Variants in ADD2 observed in about 807,000 individuals in gnomAD.
ADD2 encodes the protein adducin 2, also known as beta-adducin.
In ADD2, 23 loss-of-function variants were observed where a neutral mutation model predicts 83.0. The ratio of observed to expected loss-of-function variants is 0.28; its 90% CI spans 0.20 to 0.39. The LOEUF (loss-of-function observed/expected upper bound fraction) is 0.39. ADD2 is among the 10% of genes least tolerant of loss of function. The pLI is 1.00. For synonymous variants in ADD2, 375 were observed against 375.4 expected, an observed-to-expected ratio of 1.00 and a Z score of 0.01; for missense variants, 758 against 944.9, an observed-to-expected ratio of 0.80 and a Z score of 2.59.
At chr2:70,743,400 G>A (rs1199816661) in intron 1 of ADD2, among the ~76,000 whole-genome samples, 3 of 152,204 alleles carry the variant, frequency 2.0e-5, no homozygotes, top group South Asian at 2.1e-4. Context: ...ACCTCTGGTC[G>A]AAAGGAAAAG....
chr2:70,699,017 G>A (rs1238574709), intron 4 of ADD2, among the ~76,000 whole-genome samples: 1 of 152,054 alleles, frequency 6.6e-6, no homozygotes, highest in African/African-American at 2.4e-5. Flanking sequence ...AGATATCCTG[G>A]ATGTGTACCA....
intron 15 of ADD2, among the ~76,000 whole-genome samples, chr2:70,665,907 C>T (rs1553366072): frequency 1.3e-5 from 2 of 151,844 alleles, no homozygotes; most frequent in Non-Finnish European, 2.9e-5. Flanking sequence ...TCTCCACCTC[C>T]TAGGTTCAAG....
At chr2:70,690,592 G>T (rs1376895625) in intron 8 of ADD2, among the ~76,000 whole-genome samples, 194 bp downstream of exon 8, 1 of 152,158 alleles carries the variant, frequency 6.6e-6, no homozygotes, top group Non-Finnish European at 1.5e-5. Context: ...CTTATTTTAT[G>T]ATCCTAGTTT....
chr2:70,660,665 A>G lies in ADD2; in HGVS notation c.*2760T>C, dbSNP rs1675509342. The stretch of plus-strand genomic sequence containing the variant: ...GACCCCTCAACCCCTGAGCTTCCAC[A>G]TCATGCTCTGGCAATGCCACGTTGC... On this transcript the variant is annotated 3_prime_UTR_variant, in exon 16 of 16. Transcript: ENST00000264436. The G allele has an allele frequency of 6.6e-6, 1 of 152,236 alleles. No homozygotes were observed. The highest frequency in any genetic ancestry group is 2.4e-5 in the African/African-American group (1 of 41,430). The allele number at this position is 152,236 out of a possible 1,614,324, so 9.4% of individuals were successfully genotyped here.
chr2:70,660,013 C>T lies in ADD2; in HGVS notation c.*3412G>A, dbSNP rs887674442. The stretch of plus-strand genomic sequence containing the variant: ...CCCACCAAATCTGAGCTCTTGAATA[C>T]ACATTTTCTCCAGTCAGATATTGGT... On this transcript the variant is annotated 3_prime_UTR_variant, in exon 16 of 16. Coordinates refer to ENST00000264436, the MANE Select transcript of ADD2 (RefSeq NM_001617.4). 2.0e-5 allele frequency: 3 copies of T among 152,226 alleles called. No individual in the cohort carries two copies. In the South Asian group the frequency reaches 6.2e-4, roughly 32 times the overall value. The allele number at this position is 152,226 out of a possible 1,614,324, so 9.4% of individuals were successfully genotyped here.
At chr2:70,678,027 T>A in intron 11 of ADD2, 150 bp from the exon 12 acceptor site, 1 of 1,065,760 alleles carries the variant, frequency 9.4e-7, no homozygotes, top group South Asian at 1.6e-5. Flanking sequence ...GCCTCTTTGA[T>A]GTCTGTCTCC....
chr2:70,724,199 C>G (rs1485918678), intron 1 of ADD2, among the ~76,000 whole-genome samples: 1 of 152,150 alleles, frequency 6.6e-6, no homozygotes, highest in Non-Finnish European at 1.5e-5. Flanking sequence ...CCTTCTCTGT[C>G]CAGACACTGT....
rs1670130231 is a variant in ADD2 at position 70,676,197 on chromosome 2, C to T, written c.1593+599G>A. 1 of 985,710 alleles carries T rather than the reference C, an allele frequency of 1.0e-6. No homozygotes were observed. Among genetic ancestry groups the T allele is most frequent in the African/African-American group, 1.7e-5 (1 of 57,260 alleles). 61.1% of individuals were successfully genotyped at this position (985,710 alleles called of 1,614,324 possible). ...TTCAAACACATGCCAGAATTCTGAACTTCACCCCTTTTGCTAAGCACTAGA... is the reference window on the plus strand; with the variant it reads ...TTCAAACACATGCCAGAATTCTGAATTTCACCCCTTTTGCTAAGCACTAGA... On this transcript the variant is annotated intron_variant, in intron 13 of 15. Coordinates refer to ENST00000264436, the MANE Select transcript of ADD2 (RefSeq NM_001617.4). This position sits in a 1 kb window ranked among gnomAD's most constrained non-coding sequence, Gnocchi z 4.8.
Position 70,657,137 on chromosome 2 carries a change from G to A in ADD2, c.*6288C>T, listed in dbSNP as rs1217024902. 1.3e-5 allele frequency: 2 copies of A among 152,218 alleles called. No individual in the cohort carries two copies. The highest frequency in any genetic ancestry group is 4.8e-5 in the African/African-American group (2 of 41,522). The allele number at this position is 152,218 out of a possible 1,614,324, so 9.4% of individuals were successfully genotyped here. A position where few individuals can be genotyped will look rare whatever the true frequency, so the allele number is the denominator to read the frequency against. On this transcript the variant is annotated 3_prime_UTR_variant, in exon 16 of 16. Transcript: ENST00000264436. The stretch of plus-strand genomic sequence containing the variant: ...GAGAAAGGCAAAACCATCTGTGGGG[G>A]TGATGCATACTCAAGGGGGCCGGCA...
intron 15 of ADD2, among the ~76,000 whole-genome samples, chr2:70,666,976 G>C (rs533420656): frequency 6.6e-6 from 1 of 152,308 alleles, no homozygotes; most frequent in African/African-American, 2.4e-5. Flanking sequence ...CACTGGCCAA[G>C]AGAAGGGACA....
intron 4 of ADD2, among the ~76,000 whole-genome samples, chr2:70,700,998 C>T (rs1671556019): frequency 6.6e-6 from 1 of 151,886 alleles, no homozygotes; most frequent in South Asian, 2.1e-4. Flanking sequence ...CAGAGATTTC[C>T]TATCTTATTT....
At chr2:70,756,555 C>CA (rs1412928484) in intron 1 of ADD2, among the ~76,000 whole-genome samples, 1 of 152,118 alleles carries the variant, frequency 6.6e-6, no homozygotes, top group African/African-American at 2.4e-5. Flanking sequence ...ACCTTATAGA[C>CA]AAATCATAGA....
chr2:70,686,649 G>A (rs2104295688), intron 9 of ADD2, among the ~76,000 whole-genome samples: 1 of 152,274 alleles, frequency 6.6e-6, no homozygotes, highest in East Asian at 1.9e-4. Flanking sequence ...TTCAGATGTG[G>A]GAAAGGGAGA....
At chr2:70,732,233 T>C (rs782354011) in intron 1 of ADD2, among the ~76,000 whole-genome samples, 1 of 152,126 alleles carries the variant, frequency 6.6e-6, no homozygotes, top group Non-Finnish European at 1.5e-5. Flanking sequence ...CTTCACAGTT[T>C]GCAGAACCAT....
chr2:70,750,299 T>C (rs541328698), intron 1 of ADD2, among the ~76,000 whole-genome samples: 2 of 152,324 alleles, frequency 1.3e-5, no homozygotes, highest in South Asian at 4.1e-4. Context: ...TTAGCAAATG[T>C]TGAAACATAA....
chr2:70,746,288 A>ACCATGGT (rs1674190527), intron 1 of ADD2, among the ~76,000 whole-genome samples: 1 of 152,210 alleles, frequency 6.6e-6, no homozygotes, highest in Admixed American at 6.5e-5. Flanking sequence ...GGAATTATTT[A>ACCATGGT]CCATGGTAAA....
At chr2:70,663,926 G>C (rs1675644750) in intron 15 of ADD2, among the ~76,000 whole-genome samples, 191 bp from the exon 16 acceptor site, 1 of 152,156 alleles carries the variant, frequency 6.6e-6, no homozygotes, top group South Asian at 2.1e-4. Context: ...CTTCCATGTG[G>C]CCTGTCCTGG....
At position 70,672,936 on chromosome 2, in the gene ADD2, G is replaced by C; in HGVS notation, c.1812C>G (p.Ser604Arg). The C allele has an allele frequency of 2.5e-6, 4 of 1,613,746 alleles. No homozygotes were observed. The highest frequency in any genetic ancestry group is 3.4e-6 in the Non-Finnish European group (4 of 1,179,936). The change falls in exon 15 of 16, where the codon AGC (serine) becomes AGG (arginine). Residue 604 changes from serine (S) to arginine (R), a missense_variant. Coordinates refer to ENST00000264436, the MANE Select transcript of ADD2 (RefSeq NM_001617.4). Reference sequence around the variant, plus strand: ...TCTTTGTCTCTGCCTCCTTCGCTGGGCTCTGCACTGGAGAAGCAGGTGCAG... The same window carrying C: ...TCTTTGTCTCTGCCTCCTTCGCTGGCCTCTGCACTGGAGAAGCAGGTGCAG... ...AKSAPASPVQ[S>R]PAKEAETKSP... is the part of the protein sequence containing the mutation.
At chr2:70,721,979 C>T (rs1456615081) in intron 1 of ADD2, among the ~76,000 whole-genome samples, 1 of 152,090 alleles carries the variant, frequency 6.6e-6, no homozygotes, top group Admixed American at 6.5e-5. Context: ...TGCCATAAAA[C>T]TATTAATAAG....
Sources: gnomAD v4.1 joint callset for allele counts (sites outside exome capture counted in the v4.1 genomes callset) on GRCh38, gnomAD v4.1.1 for gene constraint, Gnocchi (gnomAD v3.1) non-coding constraint, MANE v1.5 for transcripts, NCBI Gene and HGNC (gene_info 2026-07-23, HGNC 2026-07-21) for gene names.